LINGO2: variants seen among roughly 807,000 people sequenced by gnomAD.
LINGO2 encodes leucine-rich repeat and immunoglobulin-like domain-containing nogo receptor-interacting protein 2.
LINGO2 carries 14 observed loss-of-function variants against 30.6 expected under a neutral mutation model. That is an observed-to-expected ratio of 0.46 (90% confidence interval 0.30 to 0.72). The LOEUF (loss-of-function observed/expected upper bound fraction) is 0.72, where lower values mean the gene tolerates loss of function less well. Ranked by LOEUF, LINGO2 falls within the 30% of genes least tolerant of loss-of-function variation. The pLI is 0.07. For missense variants in LINGO2, 729 were observed against 751.7 expected (o/e 0.97, Z 0.35); for synonymous variants, 317 against 288.5 (o/e 1.10, Z -1.00).
chr9:28,784,095 C>G, the LINGO2 span, among the ~76,000 whole-genome samples: 1 of 152,124 alleles, frequency 6.6e-6, no homozygotes, highest in Non-Finnish European at 1.5e-5. Context: ...ACATTCAGTA[C>G]ATAATAATGT....
chr9:28,924,345 C>G, the LINGO2 span, among the ~76,000 whole-genome samples: 1 of 152,150 alleles, frequency 6.6e-6, no homozygotes, highest in African/African-American at 2.4e-5. Flanking sequence ...CTCAGCCCCA[C>G]AAATAGCTGG....
At chr9:29,065,700 A>G in the LINGO2 span, among the ~76,000 whole-genome samples, 1 of 151,950 alleles carries the variant, frequency 6.6e-6, no homozygotes, top group Non-Finnish European at 1.5e-5. Flanking sequence ...ATTTGGCTTC[A>G]ACCTCATTCA....
At chr9:28,749,105 T>C in the LINGO2 span, among the ~76,000 whole-genome samples, 3 of 152,046 alleles carry the variant, frequency 2.0e-5, no homozygotes, top group East Asian at 1.9e-4. Flanking sequence ...TTCCATTATA[T>C]AGTTTGTTTA....
intron 4 of LINGO2, among the ~76,000 whole-genome samples, chr9:28,244,015 G>C (rs777823635): frequency 1.4e-4 from 22 of 152,116 alleles, no homozygotes; most frequent in Non-Finnish European, 2.9e-4. Flanking sequence ...CAAAACAATA[G>C]AATATACATT....
intron 2 of LINGO2, among the ~76,000 whole-genome samples, chr9:28,448,583 A>T (rs1281222119): frequency 6.6e-6 from 1 of 152,132 alleles, no homozygotes; most frequent in Non-Finnish European, 1.5e-5. Context: ...CAGTTTTCAA[A>T]AAGAAGATGA....
At chr9:28,764,127 C>CT in the LINGO2 span, among the ~76,000 whole-genome samples, 676 of 146,298 alleles carry the variant, frequency 4.6e-3, 9 homozygotes, top group African/African-American at 0.017. Flanking sequence ...TTCTTGAACT[C>CT]TTTTTAAAAA....
intron 5 of LINGO2, among the ~76,000 whole-genome samples, chr9:27,990,517 C>T (rs988433470): frequency 7.7e-5 from 11 of 142,994 alleles, no homozygotes; most frequent in African/African-American, 2.8e-4. Context: ...TCGAAGCTTC[C>T]AGCCAATGGA....
At chr9:28,227,316 TC>T (rs1410852716) in intron 4 of LINGO2, among the ~76,000 whole-genome samples, 3 of 152,038 alleles carry the variant, frequency 2.0e-5, no homozygotes, top group Non-Finnish European at 4.4e-5. Context: ...TGGACCATGG[TC>T]CCCTATTATT....
At chr9:28,230,576 GAC>G (rs1821321881) in intron 4 of LINGO2, among the ~76,000 whole-genome samples, 2 of 151,524 alleles carry the variant, frequency 1.3e-5, no homozygotes, top group Admixed American at 1.3e-4. Context: ...TTCAATTAAA[GAC>G]AGAGTCTTGC....
the LINGO2 span, among the ~76,000 whole-genome samples, chr9:28,748,629 C>T: frequency 6.6e-6 from 1 of 151,990 alleles, no homozygotes; most frequent in African/African-American, 2.4e-5. Context: ...ATTCTGTTTT[C>T]TATGAATAGT....
chr9:28,882,083 A>G, the LINGO2 span, among the ~76,000 whole-genome samples: 1 of 152,208 alleles, frequency 6.6e-6, no homozygotes, highest in African/African-American at 2.4e-5. Flanking sequence ...TAATCACAAT[A>G]ATAATCAAAA....
At chr9:29,048,931 T>G in the LINGO2 span, among the ~76,000 whole-genome samples, 1 of 152,236 alleles carries the variant, frequency 6.6e-6, no homozygotes, top group East Asian at 1.9e-4. Flanking sequence ...CAATACCCTG[T>G]AAGCACGGGC....
chr9:28,917,298 C>A, the LINGO2 span, among the ~76,000 whole-genome samples: 1 of 152,110 alleles, frequency 6.6e-6, no homozygotes, highest in Admixed American at 6.6e-5. Context: ...TCTACCTCAG[C>A]CTTCCAACAT....
chr9:28,623,050 C>T (rs1293642978), intron 1 of LINGO2, among the ~76,000 whole-genome samples: 1 of 151,814 alleles, frequency 6.6e-6, no homozygotes, highest in Non-Finnish European at 1.5e-5. Flanking sequence ...AGATTTTTTT[C>T]CTACAGAGTT....
intron 4 of LINGO2, among the ~76,000 whole-genome samples, chr9:28,291,471 T>A (rs1823726537): frequency 6.6e-6 from 1 of 152,132 alleles, no homozygotes; most frequent in Admixed American, 6.5e-5. Context: ...ATGAACAAAA[T>A]GGATAAAATG....
At chr9:28,088,540 C>A (rs1374451224) in intron 4 of LINGO2, among the ~76,000 whole-genome samples, 1 of 151,970 alleles carries the variant, frequency 6.6e-6, no homozygotes, top group African/African-American at 2.4e-5. Flanking sequence ...TAGGTATATC[C>A]CAGGTCTAAG....
At chr9:28,399,625 C>T (rs911679682) in intron 2 of LINGO2, among the ~76,000 whole-genome samples, 4 of 152,006 alleles carry the variant, frequency 2.6e-5, no homozygotes, top group East Asian at 1.9e-4. Flanking sequence ...ATTTAAACAA[C>T]GAAGTGACCA....
chr9:28,904,733 A>C, the LINGO2 span, among the ~76,000 whole-genome samples: 1 of 152,086 alleles, frequency 6.6e-6, no homozygotes, highest in African/African-American at 2.4e-5. Context: ...TGTGTATATG[A>C]GTAGAAATAA....
chr9:27,952,110 T>A (rs1401613429), intron 5 of LINGO2, among the ~76,000 whole-genome samples: 2 of 151,990 alleles, frequency 1.3e-5, no homozygotes, highest in African/African-American at 4.8e-5. Flanking sequence ...TGGAAACCAA[T>A]GGAAATCAAC....
Sources: gnomAD v4.1 joint callset for allele counts (sites outside exome capture counted in the v4.1 genomes callset) on GRCh38, gnomAD v4.1.1 for gene constraint, MANE v1.5 for transcripts, NCBI Gene and HGNC (gene_info 2026-07-23, HGNC 2026-07-21) for gene names.